FHIT: variants seen among roughly 807,000 people sequenced by gnomAD.
The protein encoded by FHIT is bis(5'-adenosyl)-triphosphatase.
FHIT carries 19 observed loss-of-function variants against 17.9 expected under a neutral mutation model. The observed-to-expected ratio is 1.06, with a 90% CI of 0.74 to 1.56. The LOEUF is 1.56. Ranked by LOEUF, FHIT falls within the 40% of genes most tolerant of loss-of-function variation. The pLI, the probability that FHIT is intolerant of heterozygous loss-of-function variation, is 0.00. For synonymous variants in FHIT, 81 were observed against 69.7 expected, an observed-to-expected ratio of 1.16 and a Z score of -0.81; for missense variants, 248 against 189.2, an observed-to-expected ratio of 1.31 and a Z score of -1.82.
At chr3:59,996,712 T>TCAAA (rs1218124481) in intron 7 of FHIT, among the ~76,000 whole-genome samples, 1 of 152,084 alleles carries the variant, frequency 6.6e-6, no homozygotes, top group Admixed American at 6.5e-5. Context: ...ATGAGAATAG[T>TCAAA]CAAACACCTT....
chr3:60,097,423 C>A (rs1703999883), intron 5 of FHIT, among the ~76,000 whole-genome samples: 1 of 152,066 alleles, frequency 6.6e-6, no homozygotes, highest in Non-Finnish European at 1.5e-5. Context: ...GCTATCTAGT[C>A]CCAGTTTTCC....
chr3:61,083,434 CA>C (rs1307655186), intron 2 of FHIT, among the ~76,000 whole-genome samples: 2 of 152,110 alleles, frequency 1.3e-5, no homozygotes, highest in Non-Finnish European at 2.9e-5. Flanking sequence ...ACTAAAAATA[CA>C]AAAAATTAGC....
chr3:60,547,169 T>C (rs1018873888), intron 4 of FHIT, among the ~76,000 whole-genome samples: 4 of 152,296 alleles, frequency 2.6e-5, no homozygotes, highest in Admixed American at 6.5e-5. Flanking sequence ...ATAAGTAAAA[T>C]TGCTGAATCT....
chr3:60,822,291 G>A (rs559335415), intron 3 of FHIT, among the ~76,000 whole-genome samples: 169 of 152,170 alleles, frequency 1.1e-3, no homozygotes, highest in Non-Finnish European at 1.9e-3. Flanking sequence ...CTAGTCCAGG[G>A]TTGTTTCAGC....
intron 4 of FHIT, 69 bp from the exon 5 acceptor site, chr3:60,537,048 A>C (rs1409505295): frequency 5.3e-6 from 7 of 1,313,356 alleles, no homozygotes; most frequent in Non-Finnish European, 6.1e-6. Flanking sequence ...CACCTTAAAG[A>C]AAGCAAATTC....
chr3:60,206,347 CT>C (rs1431225456), intron 5 of FHIT, among the ~76,000 whole-genome samples: 9 of 151,992 alleles, frequency 5.9e-5, no homozygotes, highest in Admixed American at 5.9e-4. Flanking sequence ...GTAAGTTATT[CT>C]GTGTATCTGA....
At chr3:60,093,383 C>A (rs955122792) in intron 5 of FHIT, among the ~76,000 whole-genome samples, 4 of 152,178 alleles carry the variant, frequency 2.6e-5, no homozygotes, top group Non-Finnish European at 5.9e-5. Context: ...CTCCCACCTC[C>A]ACTTCTAAGA....
In FHIT at chr3:59,851,659, T is replaced by A. The variant is rs186416267; in HGVS notation, c.348+70687A>T. Reference sequence around the variant, plus strand: ...CCCTCAGTCAGGCTTATTACATTCATTCGTGTTCTCAAGAGACAAGAGGGT... The same window carrying A: ...CCCTCAGTCAGGCTTATTACATTCAATCGTGTTCTCAAGAGACAAGAGGGT... On this transcript the variant is annotated intron_variant, in intron 8 of 9. Coordinates refer to ENST00000492590, the MANE Select transcript of FHIT (RefSeq NM_002012.4). Among the ~76,000 whole-genome samples the A allele has an allele frequency of 2.0e-3, 304 of 152,334 alleles. 1 individual carries two copies. The highest frequency in any genetic ancestry group is 6.8e-3 in the Middle Eastern group (2 of 294).
intron 4 of FHIT, among the ~76,000 whole-genome samples, chr3:60,712,935 C>T (rs2041578738): frequency 6.7e-6 from 1 of 149,620 alleles, no homozygotes; most frequent in Non-Finnish European, 1.5e-5. Context: ...ACCTAATAGA[C>T]ATCTACAGAA....
At chr3:60,226,617 C>T (rs753702449) in intron 5 of FHIT, among the ~76,000 whole-genome samples, 21 of 151,804 alleles carry the variant, frequency 1.4e-4, no homozygotes, top group African/African-American at 4.6e-4. Context: ...AAACTGGGAA[C>T]GTGTCCAGGC....
At chr3:61,081,459 G>C (rs2035134412) in intron 2 of FHIT, among the ~76,000 whole-genome samples, 2 of 152,210 alleles carry the variant, frequency 1.3e-5, no homozygotes, top group South Asian at 4.1e-4. Context: ...CCCAATCTTT[G>C]ATGCATTATG....
intron 4 of FHIT, among the ~76,000 whole-genome samples, chr3:60,682,255 G>T (rs2040767871): frequency 6.6e-6 from 1 of 152,154 alleles, no homozygotes; most frequent in African/African-American, 2.4e-5. Context: ...ACAGGGGTAA[G>T]CCACCACACC....
chr3:61,201,310 A>C (rs537906625), intron 1 of FHIT, among the ~76,000 whole-genome samples: 1 of 152,372 alleles, frequency 6.6e-6, no homozygotes, highest in South Asian at 2.1e-4. Flanking sequence ...AATACTATGC[A>C]CTGACCACAC....
At chr3:60,113,863 G>A (rs1402704630) in intron 5 of FHIT, among the ~76,000 whole-genome samples, 3 of 148,732 alleles carry the variant, frequency 2.0e-5, no homozygotes, top group East Asian at 2.0e-4. Flanking sequence ...TTAGCTGGGC[G>A]TGGTGGCGGG....
rs113300575 is a variant in FHIT, at chr3:60,162,781, T to G, written c.104-148629A>C. On this transcript the variant is annotated intron_variant, in intron 5 of 9. Transcript: ENST00000492590. ...CTACGCTATACTCCTACCTATAAAC[T>G]TCTAAAAACACTGTTCACAAGTACA... Among the ~76,000 whole-genome samples, 227 of 152,266 alleles carry G rather than the reference T, an allele frequency of 1.5e-3. 1 individual carries two copies. The highest frequency in any genetic ancestry group is 5.1e-3 in the African/African-American group (212 of 41,570).
intron 2 of FHIT, among the ~76,000 whole-genome samples, chr3:61,086,090 C>CT (rs921551041): frequency 3.3e-5 from 5 of 151,966 alleles, no homozygotes; most frequent in African/African-American, 1.2e-4. Context: ...ATGCTCATAT[C>CT]TTTTTTTTCT....
intron 3 of FHIT, among the ~76,000 whole-genome samples, chr3:60,889,493 T>C (rs1223681459): frequency 6.6e-6 from 1 of 152,230 alleles, no homozygotes; most frequent in Non-Finnish European, 1.5e-5. Flanking sequence ...CAATTTTTAA[T>C]AGCTACAATC....
intron 5 of FHIT, among the ~76,000 whole-genome samples, chr3:60,377,795 T>G (rs965634111): frequency 2.6e-5 from 4 of 152,086 alleles, no homozygotes; most frequent in African/African-American, 9.7e-5. Flanking sequence ...CAAGAATTCT[T>G]AAGAAAATAT....
intron 5 of FHIT, among the ~76,000 whole-genome samples, chr3:60,150,158 C>T (rs1354159441): frequency 6.6e-6 from 1 of 151,632 alleles, no homozygotes; most frequent in Admixed American, 6.6e-5. Context: ...CCCCCACGCC[C>T]GGCTCATTTT....
Sources: gnomAD v4.1 joint callset for allele counts (sites outside exome capture counted in the v4.1 genomes callset) on GRCh38, gnomAD v4.1.1 for gene constraint, MANE v1.5 for transcripts, NCBI Gene and HGNC (gene_info 2026-07-23, HGNC 2026-07-21) for gene names.